MMP26: variants seen among roughly 807,000 people sequenced by gnomAD.
MMP26 encodes matrix metalloproteinase-26.
Under a neutral mutation model 31.0 loss-of-function variants are expected in MMP26, and 33 were observed. The ratio of observed to expected loss-of-function variants is 1.06; its 90% confidence interval spans 0.81 to 1.42. The LOEUF is 1.42. Among genes scored for constraint, MMP26 ranks in the 40% most tolerant of loss-of-function variants. The pLI is 0.00. For synonymous variants in MMP26, 122 were observed against 114.9 expected (o/e 1.06, Z -0.40); for missense variants, 347 against 316.1 (o/e 1.10, Z -0.74).
At position 4,924,309 on chromosome 11, in the gene MMP26, T is replaced by C. The variant is rs61732340; in HGVS notation, c.-144-63759T>C. ...AAGCCCGTCAGGAAGAAAGTGGCTC[T>C]TTGGAGGCTGCTATTAAGAAGAATT... On this transcript the variant is annotated intron_variant, in intron 2 of 7. Transcript: ENST00000380390. 2.9e-3 allele frequency: 4,707 copies of C among 1,611,630 alleles called. 81 individuals carry two copies. In the African/African-American group the frequency reaches 0.043, roughly 15 times the overall value.
chr11:4,988,682 C>A (rs148309518), intron 3 of MMP26, among the ~76,000 whole-genome samples: 140 of 152,114 alleles, frequency 9.2e-4, no homozygotes, highest in Non-Finnish European at 1.4e-3. Context: ...ATTAATGGGA[C>A]CTTCACATTG....
chr11:4,910,990 TA>T (rs1231787368), intron 2 of MMP26, among the ~76,000 whole-genome samples: 2 of 152,124 alleles, frequency 1.3e-5, no homozygotes, highest in East Asian at 3.9e-4. Flanking sequence ...AGGCCTAAAG[TA>T]AAAACTGTAA....
chr11:4,862,411 G>A (rs1850174734), intron 2 of MMP26, among the ~76,000 whole-genome samples: 1 of 152,014 alleles, frequency 6.6e-6, no homozygotes, highest in South Asian at 2.1e-4. Flanking sequence ...GGTGAATATG[G>A]ATGATTGAAT....
At chr11:4,852,461 A>C (rs960556479) in intron 2 of MMP26, among the ~76,000 whole-genome samples, 3 of 152,170 alleles carry the variant, frequency 2.0e-5, no homozygotes, top group African/African-American at 7.2e-5. Context: ...AAGCTTTAAT[A>C]ATTTTTAAAA....
At chr11:4,775,026 T>C (rs921570620) in intron 2 of MMP26, among the ~76,000 whole-genome samples, 10 of 152,210 alleles carry the variant, frequency 6.6e-5, no homozygotes. Context: ...TTTTGGTTAT[T>C]GCAGCCTTAT....
chr11:4,906,834 T>A (rs112269799), intron 2 of MMP26, among the ~76,000 whole-genome samples: 2,823 of 152,230 alleles, frequency 0.019, 84 homozygotes, highest in African/African-American at 0.065. Context: ...CTCACACCTG[T>A]AATCCCAGCA....
intron 2 of MMP26, among the ~76,000 whole-genome samples, chr11:4,776,882 C>T (rs1429582976): frequency 6.6e-6 from 1 of 152,004 alleles, no homozygotes. Context: ...TATAAATTAC[C>T]TAGTCTCAGG....
chr11:4,965,936 C>G (rs969131731), intron 2 of MMP26, among the ~76,000 whole-genome samples: 2 of 152,106 alleles, frequency 1.3e-5, no homozygotes, highest in African/African-American at 4.8e-5. Context: ...GCCACATTTC[C>G]TCACTTAAAA....
intron 2 of MMP26, chr11:4,860,594 T>C (rs1589922349): frequency 2.4e-6 from 1 of 420,674 alleles, no homozygotes; most frequent in Non-Finnish European, 4.9e-6. Context: ...GGGGCTGGAC[T>C]CCTCCACTTG....
At chr11:4,714,364 C>T (rs911338883) in intron 1 of MMP26, among the ~76,000 whole-genome samples, 4 of 152,124 alleles carry the variant, frequency 2.6e-5, no homozygotes, top group African/African-American at 7.2e-5. Flanking sequence ...TGTGTCCATG[C>T]AATTTTAAGT....
At position 4,785,747 on chromosome 11, in the gene MMP26, G is replaced by A. The variant is rs567275623; in HGVS notation, c.-145+18406G>A. On this transcript the variant is annotated intron_variant, in intron 2 of 7. Transcript: ENST00000380390. ...GAGGTGATAAATGACTGAAGCAGGAGATAACTATAATTAAGCACCAGATAG... is the reference window on the plus strand; with the variant it reads ...GAGGTGATAAATGACTGAAGCAGGAAATAACTATAATTAAGCACCAGATAG... 3.4e-4 allele frequency among the ~76,000 whole-genome samples: 52 copies of A among 152,292 alleles called. 1 individual carries two copies. The highest frequency in any genetic ancestry group is 1.2e-3 in the African/African-American group (48 of 41,564).
At chr11:4,753,965 T>A (rs1264009750) in intron 1 of MMP26, among the ~76,000 whole-genome samples, 1 of 152,094 alleles carries the variant, frequency 6.6e-6, no homozygotes, top group Non-Finnish European at 1.5e-5. Context: ...GTCTTTAATC[T>A]GATCTTTGTT....
intron 2 of MMP26, among the ~76,000 whole-genome samples, chr11:4,948,631 T>A (rs1161085195): frequency 1.6e-5 from 2 of 123,922 alleles, no homozygotes; most frequent in African/African-American, 5.5e-5. Context: ...TTTGCAACAG[T>A]GAAAATCATG....
intron 1 of MMP26, among the ~76,000 whole-genome samples, chr11:4,766,863 G>A (rs892248838): frequency 4.6e-5 from 7 of 151,472 alleles, no homozygotes; most frequent in African/African-American, 1.2e-4. Context: ...CTATCGGTTC[G>A]GAATATTGCG....
intron 2 of MMP26, chr11:4,889,983 TG>T: frequency 6.1e-6 from 1 of 164,122 alleles, no homozygotes; most frequent in African/African-American, 2.4e-5. Context: ...GCCAGCTTCC[TG>T]ACATCCTGAT....
intron 2 of MMP26, chr11:4,769,862 A>G (rs750694815): frequency 1.2e-6 from 2 of 1,613,476 alleles, no homozygotes; most frequent in African/African-American, 1.3e-5. Flanking sequence ...TAGGCCAGGA[A>G]TGCCGGTCAA....
At chr11:4,789,011 C>G (rs1314739452) in intron 2 of MMP26, among the ~76,000 whole-genome samples, 1 of 152,130 alleles carries the variant, frequency 6.6e-6, no homozygotes, top group African/African-American at 2.4e-5. Flanking sequence ...CTGATTCTCT[C>G]TTTGTGATTT....
chr11:4,978,464 C>G (rs909704169), intron 2 of MMP26, among the ~76,000 whole-genome samples: 3 of 152,182 alleles, frequency 2.0e-5, no homozygotes, highest in Middle Eastern at 3.4e-3. Flanking sequence ...AAAATTATGT[C>G]TTTTGGTACA....
At chr11:4,975,347 T>C (rs1298140597) in intron 2 of MMP26, among the ~76,000 whole-genome samples, 1 of 152,016 alleles carries the variant, frequency 6.6e-6, no homozygotes, top group Non-Finnish European at 1.5e-5. Context: ...GTGTGTCAAG[T>C]GGTCCAACTA....
Sources: gnomAD v4.1 joint callset for allele counts (sites outside exome capture counted in the v4.1 genomes callset) on GRCh38, gnomAD v4.1.1 for gene constraint, MANE v1.5 for transcripts, NCBI Gene and HGNC (gene_info 2026-07-23, HGNC 2026-07-21) for gene names.